AGBL4: variants seen among roughly 807,000 people sequenced by gnomAD.
AGBL4 encodes the protein cytosolic carboxypeptidase 6.
Under a neutral mutation model 66.4 loss-of-function variants are expected in AGBL4, and 58 were observed. That is an observed-to-expected ratio of 0.87 (90% CI 0.71 to 1.09). The LOEUF (loss-of-function observed/expected upper bound fraction) is 1.09, where lower values mean the gene tolerates loss of function less well. AGBL4 is among the 50% of genes least tolerant of loss of function. AGBL4 has a pLI of 0.00. For synonymous variants in AGBL4, 234 were observed against 222.9 expected (o/e 1.05, Z -0.44); for missense variants, 579 against 631.0 (o/e 0.92, Z 0.88).
chr1:49,062,690 A>G (rs953627745), intron 4 of AGBL4, among the ~76,000 whole-genome samples: 3 of 152,190 alleles, frequency 2.0e-5, no homozygotes, highest in Non-Finnish European at 4.4e-5. Context: ...ATGACATCTT[A>G]TACACAAAGG....
intron 3 of AGBL4, among the ~76,000 whole-genome samples, chr1:49,521,753 G>T (rs1650280161): frequency 1.3e-5 from 2 of 151,998 alleles, no homozygotes; most frequent in Admixed American, 6.5e-5. Context: ...TCTTGGCAAA[G>T]AATTAATGAC....
chr1:49,862,059 C>A (rs554773297), intron 1 of AGBL4, among the ~76,000 whole-genome samples: 2 of 152,096 alleles, frequency 1.3e-5, no homozygotes, highest in African/African-American at 4.8e-5. Context: ...ACACAAGAGA[C>A]CAATCCTGGA....
chr1:48,906,239 C>T (rs1211797255), intron 5 of AGBL4, among the ~76,000 whole-genome samples: 1 of 151,816 alleles, frequency 6.6e-6, no homozygotes, highest in Non-Finnish European at 1.5e-5. Context: ...TCCTGTTCAC[C>T]CATGAAAACA....
intron 8 of AGBL4, among the ~76,000 whole-genome samples, chr1:48,639,407 A>G (rs1645719862): frequency 6.6e-6 from 1 of 152,154 alleles, no homozygotes; most frequent in Non-Finnish European, 1.5e-5. Flanking sequence ...CATCTTGGAA[A>G]AGTCACCTCC....
At chr1:48,997,543 A>G (rs887923989) in intron 5 of AGBL4, among the ~76,000 whole-genome samples, 1 of 152,152 alleles carries the variant, frequency 6.6e-6, no homozygotes, top group African/African-American at 2.4e-5. Flanking sequence ...GAGTGATCCA[A>G]TTATCAAACA....
At chr1:48,957,416 C>A (rs1158701832) in intron 5 of AGBL4, among the ~76,000 whole-genome samples, 2 of 152,128 alleles carry the variant, frequency 1.3e-5, no homozygotes, top group East Asian at 3.9e-4. Flanking sequence ...GCAAATAATG[C>A]TGTGACTAAA....
intron 5 of AGBL4, among the ~76,000 whole-genome samples, chr1:48,997,170 G>A (rs536726368): frequency 5.5e-4 from 84 of 152,204 alleles, no homozygotes; most frequent in Admixed American, 9.8e-4. Flanking sequence ...TGATCCACCC[G>A]CCTTGGCCTC....
chr1:49,270,442 A>ATT (rs111400780), intron 3 of AGBL4, among the ~76,000 whole-genome samples: 1 of 147,632 alleles, frequency 6.8e-6, no homozygotes, highest in African/African-American at 2.5e-5. Context: ...TCAGGGGGAT[A>ATT]TTTTTTTTTT....
chr1:49,120,667 CT>C (rs1645633990), intron 4 of AGBL4, among the ~76,000 whole-genome samples: 1 of 152,150 alleles, frequency 6.6e-6, no homozygotes, highest in African/African-American at 2.4e-5. Flanking sequence ...CTTCGTGAAA[CT>C]GACAATTATG....
chr1:49,353,073 G>C (rs1394612040), intron 3 of AGBL4, among the ~76,000 whole-genome samples: 1 of 152,142 alleles, frequency 6.6e-6, no homozygotes, highest in Admixed American at 6.5e-5. Context: ...ATTAAAGATA[G>C]AAAAATTTTC....
At chr1:49,672,730 G>A (rs563642343) in intron 3 of AGBL4, among the ~76,000 whole-genome samples, 25 of 151,824 alleles carry the variant, frequency 1.6e-4, no homozygotes, top group South Asian at 6.3e-4. Context: ...AGACCAGCCC[G>A]GCCAACATAG....
intron 1 of AGBL4, among the ~76,000 whole-genome samples, chr1:50,005,170 C>A (rs183982852): frequency 6.6e-6 from 1 of 152,098 alleles, no homozygotes; most frequent in East Asian, 1.9e-4. Flanking sequence ...TAGTGGTTAT[C>A]GCAGGCCTTT....
In AGBL4 at chr1:48,817,953, G is replaced by A. The variant is rs534562978; in HGVS notation, c.634+49238C>T. The A allele has an allele frequency of 5.4e-5, 36 of 662,160 alleles. No individual in the cohort carries two copies. In the Admixed American group the frequency reaches 6.4e-4, roughly 12 times the overall value. 41.0% of individuals were successfully genotyped at this position (662,160 alleles called of 1,614,324 possible). On this transcript the variant is annotated intron_variant, in intron 6 of 13. Coordinates refer to ENST00000371839, the MANE Select transcript of AGBL4 (RefSeq NM_032785.4). ...TAGTCAGTAGGCAAAAAGCTAATACGTTCCTGTTTGTCCAGAGCCTCAGTG... is the reference window on the plus strand; with the variant it reads ...TAGTCAGTAGGCAAAAAGCTAATACATTCCTGTTTGTCCAGAGCCTCAGTG...
chr1:49,924,397 T>G (rs533866732), intron 1 of AGBL4, among the ~76,000 whole-genome samples: 2 of 152,176 alleles, frequency 1.3e-5, no homozygotes, highest in Non-Finnish European at 2.9e-5. Flanking sequence ...ATGACATGTT[T>G]ACATATGTAA....
chr1:49,810,305 G>C (rs1475843963), intron 2 of AGBL4, among the ~76,000 whole-genome samples: 1 of 152,014 alleles, frequency 6.6e-6, no homozygotes, highest in East Asian at 1.9e-4. Context: ...GAAGTAAAAA[G>C]AGGAGTAAGA....
intron 6 of AGBL4, among the ~76,000 whole-genome samples, chr1:48,766,716 C>T (rs979613605): frequency 6.6e-6 from 1 of 152,158 alleles, no homozygotes; most frequent in Non-Finnish European, 1.5e-5. Flanking sequence ...AGGGGGATTT[C>T]GAGGCTCCTC....
chr1:49,086,177 C>T (rs1467051490), intron 4 of AGBL4, among the ~76,000 whole-genome samples: 4 of 152,134 alleles, frequency 2.6e-5, no homozygotes, highest in Admixed American at 1.3e-4. Flanking sequence ...TTCTAGCCCA[C>T]TGGTCCTACT....
intron 5 of AGBL4, among the ~76,000 whole-genome samples, chr1:48,940,610 G>T (rs1032223036): frequency 2.0e-5 from 3 of 152,130 alleles, no homozygotes; most frequent in Non-Finnish European, 4.4e-5. Context: ...ACTGGCCAGG[G>T]TACTTACCCA....
chr1:49,514,697 C>T (rs1453703445), intron 3 of AGBL4, among the ~76,000 whole-genome samples: 1 of 152,002 alleles, frequency 6.6e-6, no homozygotes, highest in African/African-American at 2.4e-5. Flanking sequence ...AGATATAGAT[C>T]AATGGAACAC....
Sources: gnomAD v4.1 joint callset for allele counts (sites outside exome capture counted in the v4.1 genomes callset) on GRCh38, gnomAD v4.1.1 for gene constraint, MANE v1.5 for transcripts, NCBI Gene and HGNC (gene_info 2026-07-23, HGNC 2026-07-21) for gene names.